The following AMPH variants were observed in gnomAD, a reference collection of about 807,000 sequenced individuals.
The protein encoded by AMPH is amphiphysin.
In AMPH, 49 loss-of-function variants were observed where a neutral mutation model predicts 99.1. The observed-to-expected ratio is 0.49, with a 90% CI of 0.39 to 0.63. AMPH has a LOEUF of 0.63. Ranked by LOEUF, AMPH falls within the 20% of genes least tolerant of loss-of-function variation. The probability of loss-of-function intolerance (pLI) is 0.00; values close to 1 mark genes in which losing one functional copy is unlikely to be tolerated. For synonymous variants in AMPH, 314 were observed against 317.3 expected (o/e 0.99, Z 0.11); for missense variants, 759 against 863.4 (o/e 0.88, Z 1.52).
chr7:38,441,129 T>C (rs138649293), intron 11 of AMPH, among the ~76,000 whole-genome samples: 37 of 151,886 alleles, frequency 2.4e-4, no homozygotes, highest in African/African-American at 8.4e-4. Context: ...ACATTAACAA[T>C]AAAAAAAGTA....
In AMPH at chr7:38,466,182, T is replaced by C; in HGVS notation, c.657A>G (p.Glu219=). Residue 219 remains glutamate (E), a synonymous_variant, in exon 8 of 21, where the codon GAA becomes GAG. Transcript: ENST00000356264. ...VSSLEAKFHK[E]IAVLCHKLYE... ...TATCGTCATGACTCACCACCGCAATTTCCTTATGAAACTTGGCTTCAAGGC... is the reference window on the plus strand; with the variant it reads ...TATCGTCATGACTCACCACCGCAATCTCCTTATGAAACTTGGCTTCAAGGC... The C allele has an allele frequency of 1.2e-6, 2 of 1,602,956 alleles. No homozygotes were observed. Among genetic ancestry groups the C allele is most frequent in the Non-Finnish European group, 1.7e-6 (2 of 1,176,800 alleles).
At chr7:38,387,583 A>G (rs1052477560) in intron 20 of AMPH, among the ~76,000 whole-genome samples, 1 of 152,146 alleles carries the variant, frequency 6.6e-6, no homozygotes, top group Admixed American at 6.6e-5. Context: ...AAATTATCCA[A>G]CCTGACTACC....
intron 4 of AMPH, among the ~76,000 whole-genome samples, chr7:38,494,159 A>G (rs562975486): frequency 7.9e-5 from 12 of 152,104 alleles, no homozygotes; most frequent in African/African-American, 2.6e-4. Context: ...AGGTTTCACT[A>G]TTTTGGCCAG....
At chr7:38,602,886 C>T (rs1180662513) in intron 1 of AMPH, among the ~76,000 whole-genome samples, 5 of 152,124 alleles carry the variant, frequency 3.3e-5, no homozygotes, top group African/African-American at 7.2e-5. Context: ...CAAATTAAGA[C>T]ACATTCTCCA....
intron 1 of AMPH, among the ~76,000 whole-genome samples, chr7:38,595,564 A>AT (rs1305088411): frequency 6.6e-6 from 1 of 152,076 alleles, no homozygotes. Flanking sequence ...GTCCAACTTT[A>AT]TTTTTTTATC....
chr7:38,447,772 AC>A (rs1320865517), intron 11 of AMPH, among the ~76,000 whole-genome samples: 5 of 149,208 alleles, frequency 3.4e-5, no homozygotes, highest in Non-Finnish European at 7.5e-5. Context: ...ACACACACAC[AC>A]ACACACCCAT....
At chr7:38,624,573 G>T (rs1476854184) in intron 1 of AMPH, among the ~76,000 whole-genome samples, 1 of 150,220 alleles carries the variant, frequency 6.7e-6, no homozygotes, top group South Asian at 2.1e-4. Context: ...ATGTTTAAAG[G>T]CAGTGCTTCA....
At chr7:38,612,483 C>T (rs1793722451) in intron 1 of AMPH, among the ~76,000 whole-genome samples, 1 of 152,132 alleles carries the variant, frequency 6.6e-6, no homozygotes, top group Non-Finnish European at 1.5e-5. Flanking sequence ...ATCTTACCCA[C>T]ATAACACAGT....
chr7:38,579,114 C>A (rs1792353288), intron 1 of AMPH, among the ~76,000 whole-genome samples: 1 of 152,236 alleles, frequency 6.6e-6, no homozygotes, highest in Non-Finnish European at 1.5e-5. Flanking sequence ...GACCAAACTG[C>A]AAGAACTACA....
chr7:38,576,813 A>T (rs1562839560), intron 1 of AMPH, among the ~76,000 whole-genome samples: 1 of 152,210 alleles, frequency 6.6e-6, no homozygotes. Context: ...ACTTACAGTC[A>T]GAATCCGGAC....
chr7:38,493,218 T>C (rs1477053081), intron 4 of AMPH, among the ~76,000 whole-genome samples: 1 of 152,198 alleles, frequency 6.6e-6, no homozygotes, highest in Non-Finnish European at 1.5e-5. Flanking sequence ...CTATCAGACC[T>C]TCCCCTGAGC....
chr7:38,510,239 C>T (rs952023561), intron 2 of AMPH, among the ~76,000 whole-genome samples: 1 of 152,116 alleles, frequency 6.6e-6, no homozygotes, highest in Non-Finnish European at 1.5e-5. Context: ...GGCTTTTTGT[C>T]TGTGTGCGTG....
intron 1 of AMPH, among the ~76,000 whole-genome samples, chr7:38,601,152 C>T (rs2116667): frequency 0.15 from 22,906 of 152,184 alleles, 2,286 homozygotes; most frequent in Admixed American, 0.26. Flanking sequence ...CATAAACCTG[C>T]CCTTCTGTAA....
intron 19 of AMPH, among the ~76,000 whole-genome samples, chr7:38,390,585 A>G (rs1407259271): frequency 1.3e-5 from 2 of 152,170 alleles, no homozygotes; most frequent in African/African-American, 4.8e-5. Context: ...ATTGGCTTTT[A>G]AAGTGTGTAT....
chr7:38,491,242 T>C, intron 4 of AMPH, 97 bp from the exon 5 acceptor site: 1 of 814,360 alleles, frequency 1.2e-6, no homozygotes, highest in Non-Finnish European at 2.0e-6. Context: ...AGACAAGTAA[T>C]ACTTTCCCAG....
intron 19 of AMPH, among the ~76,000 whole-genome samples, chr7:38,390,657 C>A (rs1196676845): frequency 1.3e-5 from 2 of 152,072 alleles, no homozygotes; most frequent in African/African-American, 4.8e-5. Context: ...ATTATGTTAT[C>A]CCTAAATTAA....
At chr7:38,583,280 A>C (rs1792531872) in intron 1 of AMPH, among the ~76,000 whole-genome samples, 1 of 152,224 alleles carries the variant, frequency 6.6e-6, no homozygotes, top group Non-Finnish European at 1.5e-5. Context: ...GACACCTCTG[A>C]GACTTTATTC....
intron 1 of AMPH, among the ~76,000 whole-genome samples, chr7:38,550,245 G>A (rs1791133091): frequency 6.6e-6 from 1 of 152,124 alleles, no homozygotes; most frequent in Non-Finnish European, 1.5e-5. Flanking sequence ...GCCTCACCAG[G>A]GAGCTTGCTA....
At chr7:38,608,116 G>T (rs1160780087) in intron 1 of AMPH, among the ~76,000 whole-genome samples, 2 of 152,116 alleles carry the variant, frequency 1.3e-5, no homozygotes, top group Non-Finnish European at 2.9e-5. Context: ...GGGATTACAG[G>T]CAAGAGCCAC....
Sources: allele counts gnomAD v4.1 joint callset (sites outside exome capture counted in the v4.1 genomes callset), GRCh38; gene constraint gnomAD v4.1.1; transcripts MANE v1.5; gene names NCBI Gene and HGNC (gene_info 2026-07-23, HGNC 2026-07-21).